Variants in SLC25A12 observed in about 807,000 individuals in gnomAD.
SLC25A12 encodes solute carrier family 25 member 12.
SLC25A12 carries 32 observed loss-of-function variants against 83.3 expected under a neutral mutation model. The ratio of observed to expected loss-of-function variants is 0.38; its 90% CI spans 0.29 to 0.52. The LOEUF is 0.52. Ranked by LOEUF, SLC25A12 falls within the 20% of genes least tolerant of loss-of-function variation. SLC25A12 has a pLI of 0.84. For synonymous variants in SLC25A12, 267 were observed against 291.1 expected (o/e 0.92, Z 0.84); for missense variants, 611 against 835.6 (o/e 0.73, Z 3.31).
At chr2:171,863,390 G>A (rs1685209191) in intron 3 of SLC25A12, among the ~76,000 whole-genome samples, 1 of 152,058 alleles carries the variant, frequency 6.6e-6, no homozygotes, top group South Asian at 2.1e-4. Context: ...GCCAAGCATG[G>A]TGGCATGCAC....
chr2:171,822,272 A>G (rs1325188018), intron 9 of SLC25A12, among the ~76,000 whole-genome samples: 4 of 152,240 alleles, frequency 2.6e-5, no homozygotes, highest in Non-Finnish European at 5.9e-5. Flanking sequence ...TAATAAGCAC[A>G]ATAATAGCAG....
chr2:171,789,430 G>A lies in SLC25A12; in HGVS notation c.1586-1483C>T, dbSNP rs552016882. On this transcript the variant is annotated intron_variant, in intron 15 of 17. Transcript: ENST00000422440. ...TTTTTAGTAGAGACGGGGTTTCACC[G>A]TGTTAGCCAGGATGGTCTCGATCTC... is the stretch of plus-strand genomic sequence containing the variant. Among the ~76,000 whole-genome samples, 106 of 152,082 alleles carry A rather than the reference G, an allele frequency of 7.0e-4. 2 individuals are homozygous for A. Among genetic ancestry groups the A allele is most frequent in the East Asian group, 3.1e-3 (16 of 5,116 alleles).
intron 3 of SLC25A12, among the ~76,000 whole-genome samples, chr2:171,863,141 G>A (rs539729473): frequency 3.9e-5 from 6 of 152,170 alleles, no homozygotes; most frequent in South Asian, 2.1e-4. Context: ...GGCCTCAAGC[G>A]ATCCTCCCGC....
At position 171,784,159 on chromosome 2, in the gene SLC25A12, C is replaced by T. The variant is rs1245605866; in HGVS notation, c.*1115G>A. Among the ~76,000 whole-genome samples, 1 of 152,134 alleles carries T rather than the reference C, an allele frequency of 6.6e-6. No homozygotes were observed. Among genetic ancestry groups the T allele is most frequent in the Admixed American group, 6.6e-5 (1 of 15,258 alleles). Reference sequence around the variant, plus strand: ...TTGCATTTGGATTCCAAAGTAAGAACCTAGACCCCACTAAATCACCATATA... The same window carrying T: ...TTGCATTTGGATTCCAAAGTAAGAATCTAGACCCCACTAAATCACCATATA... On this transcript the variant is annotated 3_prime_UTR_variant, in exon 18 of 18. Transcript: ENST00000422440.
At chr2:171,808,761 A>G (rs1017935885) in intron 13 of SLC25A12, among the ~76,000 whole-genome samples, 2 of 152,174 alleles carry the variant, frequency 1.3e-5, no homozygotes, top group Non-Finnish European at 2.9e-5. Context: ...GGTTTGATAC[A>G]TAGGTATACA....
At chr2:171,823,276 G>A (rs1448727754) in intron 9 of SLC25A12, among the ~76,000 whole-genome samples, 2 of 152,260 alleles carry the variant, frequency 1.3e-5, no homozygotes, top group African/African-American at 2.4e-5. Context: ...AAGGAAAAAG[G>A]AGGATAAATT....
At chr2:171,884,253 C>T (rs1229899219) in intron 2 of SLC25A12, among the ~76,000 whole-genome samples, 2 of 150,306 alleles carry the variant, frequency 1.3e-5, no homozygotes, top group African/African-American at 2.5e-5. Context: ...TGCAATGACA[C>T]GATCTCGGCT....
intron 8 of SLC25A12, among the ~76,000 whole-genome samples, chr2:171,831,884 G>A (rs1684438790): frequency 7.5e-6 from 1 of 133,384 alleles, no homozygotes; most frequent in African/African-American, 2.8e-5. Flanking sequence ...GGGCAACAGA[G>A]CAAGACTCTG....
chr2:171,840,569 T>C (rs1406637384), intron 5 of SLC25A12, among the ~76,000 whole-genome samples: 2 of 152,046 alleles, frequency 1.3e-5, no homozygotes, highest in African/African-American at 4.8e-5. Flanking sequence ...CAGTATGCTA[T>C]TTTTTAAAAG....
Position 171,874,060 on chromosome 2 carries a change from C to T in SLC25A12, c.67-5237G>A, listed in dbSNP as rs561329659. Among the ~76,000 whole-genome samples, 4 of 152,242 alleles carry T rather than the reference C, an allele frequency of 2.6e-5. No homozygotes were observed. The East Asian group carries it at 7.7e-4, about 29-fold the overall frequency. ...TGACCAACATGGAGAAACCCCATCTCTACTAAAAATACAAAATTAGACGGG... is the reference window on the plus strand; with the variant it reads ...TGACCAACATGGAGAAACCCCATCTTTACTAAAAATACAAAATTAGACGGG... On this transcript the variant is annotated intron_variant, in intron 2 of 17. Transcript: ENST00000422440.
chr2:171,891,115 G>C (rs892529673), intron 2 of SLC25A12, among the ~76,000 whole-genome samples: 2 of 152,066 alleles, frequency 1.3e-5, no homozygotes, highest in Non-Finnish European at 2.9e-5. Flanking sequence ...GACCATCCTG[G>C]CTAACATGGT....
chr2:171,829,418 A>G (rs1231120092), intron 8 of SLC25A12, among the ~76,000 whole-genome samples: 1 of 152,044 alleles, frequency 6.6e-6, no homozygotes, highest in Non-Finnish European at 1.5e-5. Flanking sequence ...CCTTTTTGCA[A>G]GGGCCACCTG....
At chr2:171,865,913 G>C (rs1394397595) in intron 3 of SLC25A12, among the ~76,000 whole-genome samples, 1 of 150,296 alleles carries the variant, frequency 6.7e-6, no homozygotes, top group Admixed American at 6.6e-5. Context: ...AGGGTCATAG[G>C]ACAATAGTGG....
intron 3 of SLC25A12, among the ~76,000 whole-genome samples, chr2:171,863,925 T>C (rs947662897): frequency 1.3e-5 from 2 of 152,236 alleles, no homozygotes; most frequent in Non-Finnish European, 2.9e-5. Flanking sequence ...ATACCTGCCA[T>C]TTATAAATGA....
At chr2:171,859,625 T>C (rs1685111568) in intron 3 of SLC25A12, among the ~76,000 whole-genome samples, 4 of 152,210 alleles carry the variant, frequency 2.6e-5, no homozygotes. Flanking sequence ...CTATGTGAGA[T>C]AGCTAAAATA....
intron 2 of SLC25A12, among the ~76,000 whole-genome samples, chr2:171,891,962 CCA>C (rs1685948658): frequency 6.6e-6 from 1 of 152,204 alleles, no homozygotes; most frequent in Non-Finnish European, 1.5e-5. Flanking sequence ...CTTAAGCAAA[CCA>C]CATATCTCAA....
intron 8 of SLC25A12, 72 bp downstream of exon 8, chr2:171,833,889 TAA>T: frequency 1.1e-6 from 1 of 896,430 alleles, no homozygotes; most frequent in South Asian, 1.4e-5. Flanking sequence ...TAGAATGAAC[TAA>T]AAGGACACCA....
rs560370360 is a variant in SLC25A12, at chr2:171,877,268, A to G, written c.67-8445T>C. ...CATGCCATTTAAAAATGTTTTGCCTACCAAGCCAACAGATCAACATACCAA... is the reference window on the plus strand; with the variant it reads ...CATGCCATTTAAAAATGTTTTGCCTGCCAAGCCAACAGATCAACATACCAA... On this transcript the variant is annotated intron_variant, in intron 2 of 17. Transcript: ENST00000422440. 1.4e-4 allele frequency among the ~76,000 whole-genome samples: 22 copies of G among 152,306 alleles called. 1 individual carries two copies. The South Asian group carries it at 4.3e-3, about 30-fold the overall frequency.
At chr2:171,798,916 T>C (rs972133551) in intron 13 of SLC25A12, among the ~76,000 whole-genome samples, 2 of 152,158 alleles carry the variant, frequency 1.3e-5, no homozygotes, top group African/African-American at 4.8e-5. Context: ...TATTAAGAAG[T>C]AGGGCCTTTT....
Sources: gnomAD v4.1 joint callset for allele counts (sites outside exome capture counted in the v4.1 genomes callset) on GRCh38, gnomAD v4.1.1 for gene constraint, MANE v1.5 for transcripts, NCBI Gene and HGNC (gene_info 2026-07-23, HGNC 2026-07-21) for gene names.